The following PTPRE variants were observed in gnomAD, a reference collection of about 807,000 sequenced individuals.
PTPRE encodes the protein receptor-type tyrosine-protein phosphatase epsilon.
In PTPRE, 51 loss-of-function variants were observed where a neutral mutation model predicts 102.0. The ratio of observed to expected loss-of-function variants is 0.50; its 90% CI spans 0.40 to 0.63. The LOEUF (loss-of-function observed/expected upper bound fraction) is 0.63, where lower values mean the gene tolerates loss of function less well. Ranked by LOEUF, PTPRE falls within the 30% of genes least tolerant of loss-of-function variation. The pLI, the probability that PTPRE is intolerant of heterozygous loss-of-function variation, is 0.00. For missense variants in PTPRE, 752 were observed against 915.1 expected (o/e 0.82, Z 2.30); for synonymous variants, 345 against 348.2 (o/e 0.99, Z 0.10).
chr10:127,932,046 C>G (rs533504898), intron 1 of PTPRE, among the ~76,000 whole-genome samples: 16 of 152,194 alleles, frequency 1.1e-4, no homozygotes, highest in African/African-American at 3.6e-4. Flanking sequence ...TTTCTTGGAA[C>G]CATAAAGCTT....
At chr10:127,997,304 A>G (rs1312744265) in intron 2 of PTPRE, among the ~76,000 whole-genome samples, 3 of 152,202 alleles carry the variant, frequency 2.0e-5, no homozygotes, top group African/African-American at 7.2e-5. Flanking sequence ...TTTGCCCACA[A>G]GGAAAAGTTA....
At chr10:128,017,178 A>T (rs1409593837) in intron 2 of PTPRE, among the ~76,000 whole-genome samples, 1 of 152,120 alleles carries the variant, frequency 6.6e-6, no homozygotes, top group Non-Finnish European at 1.5e-5. Context: ...TGGCCTGGGA[A>T]CAGCACCCAG....
chr10:128,058,905 G>T (rs1369732737), intron 7 of PTPRE, among the ~76,000 whole-genome samples: 1 of 152,224 alleles, frequency 6.6e-6, no homozygotes, highest in Non-Finnish European at 1.5e-5. Context: ...TGGCCCTGGG[G>T]AGCTCTGGGG....
At chr10:127,938,177 T>A (rs1158059556) in intron 1 of PTPRE, among the ~76,000 whole-genome samples, 1 of 152,090 alleles carries the variant, frequency 6.6e-6, no homozygotes, top group African/African-American at 2.4e-5. Context: ...TGAAGGGAGT[T>A]GACAGAAATA....
chr10:127,947,002 C>T (rs1349935016), intron 1 of PTPRE, among the ~76,000 whole-genome samples: 1 of 136,248 alleles, frequency 7.3e-6, no homozygotes, highest in African/African-American at 2.9e-5. Flanking sequence ...GCTTAGATGA[C>T]AGAATGAGAC....
chr10:127,912,110 A>T (rs532868369), intron 1 of PTPRE, among the ~76,000 whole-genome samples: 26 of 152,250 alleles, frequency 1.7e-4, no homozygotes, highest in African/African-American at 6.0e-4. Flanking sequence ...CTGTTTTCCC[A>T]GTCATACCCA....
chr10:127,920,920 G>C (rs77898407), intron 1 of PTPRE, among the ~76,000 whole-genome samples: 1 of 152,098 alleles, frequency 6.6e-6, no homozygotes, highest in Non-Finnish European at 1.5e-5. Context: ...GTAAGGAGAG[G>C]GCGTTTCCCT....
At chr10:128,068,044 C>T (rs1306854273) in intron 11 of PTPRE, 79 bp from the exon 12 acceptor site, 51 of 1,495,336 alleles carry the variant, frequency 3.4e-5, no homozygotes, top group Non-Finnish European at 4.0e-5. Context: ...GAGCCCACGG[C>T]GGCGTCCTCA....
At chr10:128,054,676 G>C (rs2135896909) in intron 6 of PTPRE, among the ~76,000 whole-genome samples, 1 of 151,908 alleles carries the variant, frequency 6.6e-6, no homozygotes, top group East Asian at 2.0e-4. Context: ...AAAGAGGGCG[G>C]CCTACGGTGC....
chr10:128,062,753 C>G (rs1024364665), intron 9 of PTPRE, among the ~76,000 whole-genome samples: 30 of 152,256 alleles, frequency 2.0e-4, no homozygotes, highest in African/African-American at 6.8e-4. Context: ...TGGCCAGTCT[C>G]TGCCTCTCGC....
In PTPRE at chr10:128,008,147, G is replaced by GC. The variant is rs550004335; in HGVS notation, c.-8+25855dup. Among the ~76,000 whole-genome samples the GC allele has an allele frequency of 7.6e-4, 115 of 152,246 alleles. No homozygotes were observed. The highest frequency in any genetic ancestry group is 6.8e-3 in the Middle Eastern group (2 of 294). On this transcript the variant is annotated intron_variant, in intron 2 of 20. Transcript: ENST00000254667. The surrounding 1 kb of genome is among the most constrained non-coding windows in gnomAD (Gnocchi z 4.0). ...GCAGAGTCCCCTGCCCAGGGTACAT[G>GC]CCCCTGGGAAAACTGCCCAAGGGAA...
intron 16 of PTPRE, among the ~76,000 whole-genome samples, chr10:128,073,009 G>C (rs1420012272): frequency 1.3e-5 from 2 of 152,166 alleles, no homozygotes; most frequent in African/African-American, 4.8e-5. Context: ...TGGGCTCCAT[G>C]CTGATCTAGC....
intron 1 of PTPRE, among the ~76,000 whole-genome samples, chr10:127,957,670 G>A (rs889508891): frequency 1.3e-5 from 2 of 152,112 alleles, no homozygotes; most frequent in African/African-American, 2.4e-5. Flanking sequence ...TCAATATTGC[G>A]TTGGCTATTG....
At chr10:127,924,570 A>G (rs1846872077) in intron 1 of PTPRE, among the ~76,000 whole-genome samples, 1 of 152,158 alleles carries the variant, frequency 6.6e-6, no homozygotes, top group Non-Finnish European at 1.5e-5. Flanking sequence ...CAGACATGGG[A>G]TTGTCAGCAG....
At chr10:127,940,150 G>A (rs1379199368) in intron 1 of PTPRE, among the ~76,000 whole-genome samples, 3 of 152,092 alleles carry the variant, frequency 2.0e-5, no homozygotes, top group Admixed American at 1.3e-4. Context: ...GAGGCAAGAG[G>A]ATGCCAGCTG....
intron 6 of PTPRE, among the ~76,000 whole-genome samples, chr10:128,052,297 C>T (rs1242042126): frequency 6.6e-6 from 1 of 152,178 alleles, no homozygotes; most frequent in East Asian, 1.9e-4. Flanking sequence ...CTCAAAGTGG[C>T]CGATCCAGTT....
Position 128,028,667 on chromosome 10 carries a change from C to T in PTPRE, c.-7-12208C>T, listed in dbSNP as rs1439095039. On this transcript the variant is annotated intron_variant, in intron 2 of 20. Transcript: ENST00000254667. The surrounding 1 kb of genome is among the most constrained non-coding windows in gnomAD (Gnocchi z 4.5). ...GGCACAGCTGAGCAGCCCGCCGGGG[C>T]CCAGGGTTCCTTGGTCTTGGGTTCT... Among the ~76,000 whole-genome samples the T allele has an allele frequency of 6.6e-6, 1 of 152,084 alleles. No homozygotes were observed. Among genetic ancestry groups the T allele is most frequent in the Non-Finnish European group, 1.5e-5 (1 of 68,020 alleles).
At chr10:127,927,101 C>T (rs116297594) in intron 1 of PTPRE, among the ~76,000 whole-genome samples, 2,154 of 152,152 alleles carry the variant, frequency 0.014, 59 homozygotes, top group African/African-American at 0.049. Flanking sequence ...TGAGCCACTG[C>T]GCCAGGTCTC....
chr10:128,020,552 T>C (rs1772046793), intron 2 of PTPRE, among the ~76,000 whole-genome samples: 1 of 152,226 alleles, frequency 6.6e-6, no homozygotes. Flanking sequence ...CGTATTCTCT[T>C]CTTGGTTTAT....
Sources: gnomAD v4.1 joint callset for allele counts (sites outside exome capture counted in the v4.1 genomes callset) on GRCh38, gnomAD v4.1.1 for gene constraint, Gnocchi (gnomAD v3.1) non-coding constraint, MANE v1.5 for transcripts, NCBI Gene and HGNC (gene_info 2026-07-23, HGNC 2026-07-21) for gene names.